The following STK33 variants were observed in gnomAD, a reference collection of about 807,000 sequenced individuals.
STK33 encodes the protein serine/threonine-protein kinase 33.
A neutral mutation model predicts 58.0 loss-of-function variants in STK33; 52 were observed. The ratio of observed to expected loss-of-function variants is 0.90; its 90% CI spans 0.72 to 1.13. STK33 has a LOEUF of 1.13. Among genes scored for constraint, STK33 ranks in the 50% most tolerant of loss-of-function variants. STK33 has a pLI of 0.00. For missense variants in STK33, 630 were observed against 604.2 expected, an observed-to-expected ratio of 1.04 and a Z score of -0.45; for synonymous variants, 215 against 200.1, an observed-to-expected ratio of 1.07 and a Z score of -0.63.
At chr11:8,506,728 T>C (rs574626475) in intron 1 of STK33, among the ~76,000 whole-genome samples, 1 of 152,308 alleles carries the variant, frequency 6.6e-6, no homozygotes, top group East Asian at 1.9e-4. Flanking sequence ...GTGGACACCT[T>C]TGGGGGGCCG....
chr11:8,463,906 T>C (rs192103655), intron 7 of STK33, among the ~76,000 whole-genome samples: 2 of 152,332 alleles, frequency 1.3e-5, no homozygotes, highest in African/African-American at 4.8e-5. Context: ...TAAAGATTTC[T>C]AGAAAGGCTC....
the STK33 span, among the ~76,000 whole-genome samples, chr11:8,345,464 GC>G: frequency 6.6e-6 from 1 of 152,276 alleles, no homozygotes; most frequent in Non-Finnish European, 1.5e-5. Context: ...TAGGCAGGAT[GC>G]CGGGGAAAAT....
intron 1 of STK33, among the ~76,000 whole-genome samples, chr11:8,548,594 C>A (rs1263998523): frequency 6.6e-6 from 1 of 152,154 alleles, no homozygotes; most frequent in Admixed American, 6.5e-5. Context: ...TATTCAGAGT[C>A]TTTTGTGGGT....
intron 1 of STK33, among the ~76,000 whole-genome samples, chr11:8,523,130 C>G (rs1191878373): frequency 6.6e-6 from 1 of 152,234 alleles, no homozygotes; most frequent in African/African-American, 2.4e-5. Flanking sequence ...GTGGCGTGAT[C>G]TCGGCTGGCT....
At chr11:8,441,510 C>A (rs533962217) in intron 11 of STK33, among the ~76,000 whole-genome samples, 2 of 152,150 alleles carry the variant, frequency 1.3e-5, no homozygotes, top group East Asian at 1.9e-4. Flanking sequence ...TACTATCATG[C>A]CTGGCTAATT....
chr11:8,440,687 A>T lies in STK33; in HGVS notation c.938T>A (p.Met313Lys). ...TTAGCAGGCTACTTACAACATGTAC[A>T]TTACGACGCCTATGCTCCAAATGTC... ...QCDIWSIGVVMYMLLRGEPPF... is the reference protein window; with the variant it reads ...QCDIWSIGVVKYMLLRGEPPF... The change falls in exon 12 of 16, where the codon ATG becomes AAG. Residue 313 changes from methionine (M) to lysine (K), a missense_variant. Physicochemically the swap from Met to Lys is moderately conservative, Grantham distance 95. Transcript: ENST00000687296. The T allele has an allele frequency of 6.4e-7, 1 of 1,564,216 alleles. No homozygotes were observed. The highest frequency in any genetic ancestry group is 8.7e-7 in the Non-Finnish European group (1 of 1,152,250).
intron 11 of STK33, among the ~76,000 whole-genome samples, chr11:8,443,291 A>C (rs920718267): frequency 2.0e-5 from 3 of 152,160 alleles, no homozygotes; most frequent in Admixed American, 6.5e-5. Flanking sequence ...ATGCTCAACA[A>C]ACCAGGTATA....
chr11:8,386,009 G>GTCA, the STK33 span, among the ~76,000 whole-genome samples: 4 of 152,194 alleles, frequency 2.6e-5, no homozygotes, highest in African/African-American at 9.6e-5. Flanking sequence ...CTCTGACCTC[G>GTCA]TGATCCACCC....
rs1848874949 is a variant in STK33 at position 8,393,630 on chromosome 11, C to A, written c.1345-920G>T. 2.0e-5 allele frequency among the ~76,000 whole-genome samples: 3 copies of A among 152,182 alleles called. No individual in the cohort carries two copies. The South Asian group carries it at 6.2e-4, about 31-fold the overall frequency. ...TTACAGAGAATGATCGAGGAAAGAG[C>A]TCACAGGTTTAATACTCTGGTTACC... is the stretch of plus-strand genomic sequence containing the variant. On this transcript the variant is annotated intron_variant, in intron 15 of 15. Coordinates refer to ENST00000687296, the MANE Select transcript of STK33 (RefSeq NM_001352389.2).
intron 1 of STK33, among the ~76,000 whole-genome samples, chr11:8,498,134 A>T (rs568686228): frequency 1.3e-5 from 2 of 152,200 alleles, no homozygotes; most frequent in South Asian, 2.1e-4. Flanking sequence ...TAAAATAAAC[A>T]TATCATTTTG....
At chr11:8,570,860 T>C (rs894265473) in intron 1 of STK33, among the ~76,000 whole-genome samples, 2 of 152,202 alleles carry the variant, frequency 1.3e-5, no homozygotes, top group Middle Eastern at 3.2e-3. Context: ...GTTTATTGCA[T>C]GGCAATTACA....
In STK33 at chr11:8,442,775, C is replaced by T. The variant is rs1944929175; in HGVS notation, c.872-2022G>A. ...CAAAAAAAGCAACGAATTACGTATA[C>T]TCTTCAGCAATAAAAATGAATAAAC... is the stretch of plus-strand genomic sequence containing the variant. On this transcript the variant is annotated intron_variant, in intron 11 of 15. Transcript: ENST00000687296. Among the ~76,000 whole-genome samples, 4 of 152,178 alleles carry T rather than the reference C, an allele frequency of 2.6e-5. No individual in the cohort carries two copies. In the South Asian group the frequency reaches 8.3e-4, roughly 32 times the overall value.
At chr11:8,462,244 G>A (rs1188133204) in intron 7 of STK33, among the ~76,000 whole-genome samples, 1 of 151,538 alleles carries the variant, frequency 6.6e-6, no homozygotes, top group Non-Finnish European at 1.5e-5. Flanking sequence ...CTTTTAATAG[G>A]CTTTTTGATA....
intron 11 of STK33, among the ~76,000 whole-genome samples, chr11:8,441,444 T>C (rs1392240680): frequency 6.6e-6 from 1 of 152,022 alleles, no homozygotes; most frequent in East Asian, 1.9e-4. Context: ...CTCAAACTAC[T>C]AGGTTCAAGG....
the STK33 span, among the ~76,000 whole-genome samples, chr11:8,361,099 A>AGAGGG: frequency 2.0e-5 from 3 of 152,284 alleles, no homozygotes; most frequent in South Asian, 6.2e-4. The surrounding 1 kb of genome is among the most constrained non-coding windows in gnomAD (Gnocchi z 4.8). Flanking sequence ...ACCTCAAGAG[A>AGAGGG]GAGGGGAGCG....
intron 1 of STK33, among the ~76,000 whole-genome samples, chr11:8,512,858 CTCT>C (rs892635901): frequency 2.0e-5 from 3 of 152,122 alleles, no homozygotes; most frequent in African/African-American, 7.2e-5. Context: ...TAGTTCCCTG[CTCT>C]TCTTTCTTCC....
intron 14 of STK33, among the ~76,000 whole-genome samples, chr11:8,421,460 T>C (rs763260707): frequency 6.6e-6 from 1 of 152,196 alleles, no homozygotes; most frequent in Non-Finnish European, 1.5e-5. Flanking sequence ...CACCTGGATA[T>C]GTTTCTGTAC....
intron 15 of STK33, among the ~76,000 whole-genome samples, chr11:8,395,509 C>A (rs192303293): frequency 6.6e-6 from 1 of 152,208 alleles, no homozygotes; most frequent in African/African-American, 2.4e-5. Flanking sequence ...CAAATACATT[C>A]ATCTACTGAC....
chr11:8,384,767 T>A, the STK33 span, among the ~76,000 whole-genome samples: 3 of 152,174 alleles, frequency 2.0e-5, no homozygotes, highest in Non-Finnish European at 4.4e-5. Flanking sequence ...TTGAGATGAC[T>A]CACTCTCCTT....
Sources: allele counts gnomAD v4.1 joint callset (sites outside exome capture counted in the v4.1 genomes callset), GRCh38; gene constraint gnomAD v4.1.1; non-coding constraint Gnocchi (gnomAD v3.1); transcripts MANE v1.5; gene names NCBI Gene and HGNC (gene_info 2026-07-23, HGNC 2026-07-21).